The following PHLPP1 variants were observed in gnomAD, a reference collection of about 807,000 sequenced individuals.
The protein encoded by PHLPP1 is PH domain leucine-rich repeat-containing protein phosphatase 1.
PHLPP1 carries 42 observed loss-of-function variants against 117.2 expected under a neutral mutation model. The ratio of observed to expected loss-of-function variants is 0.36; its 90% confidence interval spans 0.28 to 0.46. The LOEUF is 0.46. Ranked by LOEUF, PHLPP1 falls within the 20% of genes least tolerant of loss-of-function variation. The pLI is 1.00. For synonymous variants in PHLPP1, 1,042 were observed against 970.7 expected, an observed-to-expected ratio of 1.07 and a Z score of -1.37; for missense variants, 2,084 against 2,241.9, an observed-to-expected ratio of 0.93 and a Z score of 1.42.
At chr18:62,937,757 G>A (rs575940) in intron 10 of PHLPP1, among the ~76,000 whole-genome samples, 89,922 of 152,000 alleles carry the variant, frequency 0.59, 26,830 homozygotes, top group Middle Eastern at 0.69. Context: ...CACACCTGTA[G>A]TCCCAGCACT....
intron 10 of PHLPP1, among the ~76,000 whole-genome samples, chr18:62,927,859 A>C (rs1314497439): frequency 6.6e-6 from 1 of 152,182 alleles, no homozygotes; most frequent in Non-Finnish European, 1.5e-5. Context: ...CTTAAAGTAC[A>C]TGTGAAAAAG....
intron 1 of PHLPP1, among the ~76,000 whole-genome samples, chr18:62,792,117 G>A (rs1913477465): frequency 1.3e-5 from 2 of 152,066 alleles, no homozygotes; most frequent in South Asian, 4.1e-4. Context: ...TTTTTATGCT[G>A]CAAACTATCA....
chr18:62,966,855 C>G (rs1343566861), intron 14 of PHLPP1, among the ~76,000 whole-genome samples: 8 of 152,256 alleles, frequency 5.3e-5, no homozygotes, highest in East Asian at 3.9e-4. Flanking sequence ...CAAAATTTAC[C>G]CATGCCCATT....
At chr18:62,903,962 C>T (rs1280869140) in intron 7 of PHLPP1, among the ~76,000 whole-genome samples, 3 of 152,140 alleles carry the variant, frequency 2.0e-5, no homozygotes, top group Non-Finnish European at 4.4e-5. Context: ...GGTTTCCATT[C>T]CCTACAGTCA....
chr18:62,884,026 G>A (rs1256373247), intron 4 of PHLPP1, among the ~76,000 whole-genome samples: 2 of 152,184 alleles, frequency 1.3e-5, no homozygotes, highest in African/African-American at 4.8e-5. Flanking sequence ...TTGCAGAATT[G>A]TAACAGCAGA....
intron 14 of PHLPP1, among the ~76,000 whole-genome samples, chr18:62,969,136 G>A (rs1910983862): frequency 6.6e-6 from 1 of 151,880 alleles, no homozygotes; most frequent in Non-Finnish European, 1.5e-5. Flanking sequence ...TAAACTCCTG[G>A]CCTCAAGCAA....
At chr18:62,787,747 A>G (rs1387218609) in intron 1 of PHLPP1, among the ~76,000 whole-genome samples, 1 of 152,206 alleles carries the variant, frequency 6.6e-6, no homozygotes, top group Non-Finnish European at 1.5e-5. Context: ...CGTAAATGTT[A>G]TTAATAATGT....
In PHLPP1 at chr18:62,948,260, A is replaced by C. The variant is rs571583180; in HGVS notation, c.3324+2989A>C. Among the ~76,000 whole-genome samples, 133 of 151,464 alleles carry C rather than the reference A, an allele frequency of 8.8e-4. 1 individual carries two copies. The highest frequency in any genetic ancestry group is 3.2e-3 in the African/African-American group (130 of 41,206). On this transcript the variant is annotated intron_variant, in intron 12 of 16. Coordinates refer to ENST00000262719, the MANE Select transcript of PHLPP1 (RefSeq NM_194449.4). Reference sequence around the variant, plus strand: ...GAATCACTTGAACCCGAGAGGGGGAAGCTACAGTGAGCCGAGATCACACCA... The same window carrying C: ...GAATCACTTGAACCCGAGAGGGGGACGCTACAGTGAGCCGAGATCACACCA...
intron 4 of PHLPP1, among the ~76,000 whole-genome samples, chr18:62,878,860 G>A (rs558263194): frequency 6.6e-6 from 1 of 152,108 alleles, no homozygotes; most frequent in Non-Finnish European, 1.5e-5. Context: ...TGCATGTTCA[G>A]ATGTACTATT....
chr18:62,864,716 G>A (rs1915727961), intron 4 of PHLPP1, among the ~76,000 whole-genome samples: 1 of 152,174 alleles, frequency 6.6e-6, no homozygotes, highest in Admixed American at 6.5e-5. Context: ...AGCTGATATG[G>A]GGTCCCTGGC....
rs185690999 is a variant in PHLPP1, at chr18:62,813,927, A to G, written c.1577-16108A>G. On this transcript the variant is annotated intron_variant, in intron 1 of 16. Transcript: ENST00000262719. ...TTAAAAGTTCATGGCTCATTTTACT[A>G]TAGTTTATGTGAGAATTTTCTTTGG... is the stretch of plus-strand genomic sequence containing the variant. Among the ~76,000 whole-genome samples the G allele has an allele frequency of 1.5e-3, 233 of 151,952 alleles. 1 individual carries two copies. Among genetic ancestry groups the G allele is most frequent in the African/African-American group, 5.4e-3 (225 of 41,444 alleles).
intron 1 of PHLPP1, among the ~76,000 whole-genome samples, chr18:62,733,870 G>C (rs1266685357): frequency 1.3e-5 from 2 of 152,146 alleles, no homozygotes; most frequent in African/African-American, 4.8e-5. Flanking sequence ...AGATACAGTC[G>C]ACCGAGTTTA....
chr18:62,825,046 T>G (rs1914572066), intron 1 of PHLPP1, among the ~76,000 whole-genome samples: 1 of 151,632 alleles, frequency 6.6e-6, no homozygotes. Flanking sequence ...CCTCCCTCAG[T>G]CTCCCGGGTT....
chr18:62,890,545 C>T (rs1490080553), intron 4 of PHLPP1, among the ~76,000 whole-genome samples: 2 of 152,148 alleles, frequency 1.3e-5, no homozygotes, highest in South Asian at 2.1e-4. Flanking sequence ...GGATTACAGG[C>T]GTGAGCCACT....
intron 1 of PHLPP1, among the ~76,000 whole-genome samples, chr18:62,747,362 G>A (rs930254499): frequency 2.1e-5 from 3 of 141,964 alleles, no homozygotes; most frequent in African/African-American, 8.0e-5. Flanking sequence ...TTGGCTCACT[G>A]CAACCTCCAC....
intron 1 of PHLPP1, among the ~76,000 whole-genome samples, chr18:62,751,995 T>A (rs574268390): frequency 1.0e-3 from 157 of 152,342 alleles, no homozygotes; most frequent in Non-Finnish European, 1.5e-3. Context: ...TAGGGGGCAT[T>A]GGAATGGTAA....
At chr18:62,832,741 C>T (rs1914790562) in intron 2 of PHLPP1, among the ~76,000 whole-genome samples, 1 of 142,376 alleles carries the variant, frequency 7.0e-6, no homozygotes, top group South Asian at 2.1e-4. Flanking sequence ...TAATTTTTGT[C>T]TGTTGTTGTT....
chr18:62,730,519 A>AT (rs1911197535), intron 1 of PHLPP1, among the ~76,000 whole-genome samples: 2 of 152,074 alleles, frequency 1.3e-5, no homozygotes, highest in Admixed American at 1.3e-4. Flanking sequence ...AAAAAAGGTG[A>AT]TTTTAAAAAA....
intron 4 of PHLPP1, among the ~76,000 whole-genome samples, chr18:62,888,287 ATGTGTGTGTGTGTGTGTGTG>A (rs200659921): frequency 9.9e-4 from 130 of 130,896 alleles, no homozygotes; most frequent in African/African-American, 3.4e-3. Context: ...ATTTCACAAA[ATGTGTGTGTGTGTGTGTGTG>A]TGTGTGTGTG....
Sources: allele counts gnomAD v4.1 joint callset (sites outside exome capture counted in the v4.1 genomes callset), GRCh38; gene constraint gnomAD v4.1.1; transcripts MANE v1.5; gene names NCBI Gene and HGNC (gene_info 2026-07-23, HGNC 2026-07-21).